STAC: variants seen among roughly 807,000 people sequenced by gnomAD.
STAC encodes the protein SH3 and cysteine-rich domain-containing protein.
A neutral mutation model predicts 48.8 loss-of-function variants in STAC; 43 were observed. The ratio of observed to expected loss-of-function variants is 0.88; its 90% CI spans 0.69 to 1.14. The LOEUF is 1.14. STAC is among the 50% of genes most tolerant of loss of function. STAC has a pLI of 0.00. For synonymous variants in STAC, 193 were observed against 179.5 expected (o/e 1.07, Z -0.60); for missense variants, 497 against 504.0 (o/e 0.99, Z 0.13).
intron 1 of STAC, among the ~76,000 whole-genome samples, chr3:36,394,470 A>C (rs1358595149): frequency 2.0e-5 from 3 of 152,164 alleles, no homozygotes; most frequent in Non-Finnish European, 4.4e-5. Flanking sequence ...CATTACTCAC[A>C]TTTTACAAAG....
chr3:36,437,292 T>C (rs1185490576), intron 1 of STAC, among the ~76,000 whole-genome samples: 2 of 150,884 alleles, frequency 1.3e-5, no homozygotes, highest in African/African-American at 2.4e-5. Context: ...ACCCAAAGGA[T>C]TATAAATCAT....
intron 10 of STAC, among the ~76,000 whole-genome samples, chr3:36,534,811 G>A (rs529635917): frequency 1.1e-4 from 16 of 151,996 alleles, no homozygotes; most frequent in African/African-American, 3.6e-4. Context: ...GACCACAGGT[G>A]TGCACTACCA....
intron 10 of STAC, among the ~76,000 whole-genome samples, chr3:36,540,367 A>T (rs1433861785): frequency 1.3e-5 from 2 of 152,170 alleles, no homozygotes; most frequent in African/African-American, 4.8e-5. Context: ...AGTTTACACA[A>T]AAGGGACTTT....
intron 2 of STAC, among the ~76,000 whole-genome samples, chr3:36,449,249 GCCAT>G (rs780333153): frequency 1.2e-3 from 180 of 152,280 alleles, no homozygotes; most frequent in Non-Finnish European, 2.1e-3. Flanking sequence ...TTGAAGTCCT[GCCAT>G]CCTGAAAACA....
At chr3:36,420,177 A>G (rs193204094) in intron 1 of STAC, among the ~76,000 whole-genome samples, 2 of 152,356 alleles carry the variant, frequency 1.3e-5, no homozygotes, top group Admixed American at 6.5e-5. Context: ...CTAAGTAAGA[A>G]TAATGATAGG....
intron 1 of STAC, among the ~76,000 whole-genome samples, chr3:36,396,837 G>GT (rs1288953467): frequency 2.6e-5 from 4 of 152,120 alleles, no homozygotes; most frequent in Non-Finnish European, 4.4e-5. Flanking sequence ...ATGTAGGGTA[G>GT]TTTTTTCCTC....
chr3:36,484,260 A>T (rs1697739400), intron 3 of STAC, among the ~76,000 whole-genome samples: 1 of 152,204 alleles, frequency 6.6e-6, no homozygotes, highest in Non-Finnish European at 1.5e-5. Flanking sequence ...AAGGGACACC[A>T]CTTTCCAGGA....
Position 36,493,238 on chromosome 3 carries a change from G to T in STAC, c.766+9G>T. The T allele has an allele frequency of 2.5e-6, 4 of 1,612,612 alleles. No homozygotes were observed. Among genetic ancestry groups the T allele is most frequent in the Non-Finnish European group, 3.4e-6 (4 of 1,179,044 alleles). ...GAAACGCAGCAACAGCGGTGAGTGA[G>T]GGAGTTGGCACAGCACAAATGTGAT... is the stretch of plus-strand genomic sequence containing the variant. On this transcript the variant is annotated intron_variant, in intron 6 of 10. Coordinates refer to ENST00000273183, the MANE Select transcript of STAC (RefSeq NM_003149.3).
intron 10 of STAC, among the ~76,000 whole-genome samples, chr3:36,533,694 A>G (rs886194869): frequency 2.6e-5 from 4 of 152,026 alleles, no homozygotes; most frequent in African/African-American, 7.2e-5. Context: ...ACTGGGCCTC[A>G]TACCTGCATT....
At chr3:36,529,724 T>C (rs1161842322) in intron 10 of STAC, among the ~76,000 whole-genome samples, 1 of 152,184 alleles carries the variant, frequency 6.6e-6, no homozygotes, top group Non-Finnish European at 1.5e-5. Context: ...ACTCTTCCTG[T>C]CTTTGTCTTC....
intron 1 of STAC, among the ~76,000 whole-genome samples, chr3:36,428,172 C>T (rs1559487297): frequency 6.6e-6 from 1 of 152,142 alleles, no homozygotes; most frequent in Non-Finnish European, 1.5e-5. Flanking sequence ...CCCCCTAGAG[C>T]TCTTCTTTGT....
chr3:36,380,581 G>A lies in STAC; in HGVS notation c.-63G>A, dbSNP rs778227723. 7.4e-7 allele frequency: 1 copy of A among 1,350,646 alleles called. No individual in the cohort carries two copies. Among genetic ancestry groups the A allele is most frequent in the Non-Finnish European group, 1.0e-6 (1 of 968,438 alleles). The allele number at this position is 1,350,646 out of a possible 1,614,324, so 83.7% of individuals were successfully genotyped here. A position where few individuals can be genotyped will look rare whatever the true frequency, so the allele number is the denominator to read the frequency against. ...GAGCAGCCTGGCGCGCGGCGGGCAG[G>A]GCGCGCAGGACAGAAGCCTCGCTGT... On this transcript the variant is annotated 5_prime_UTR_variant, in exon 1 of 11. Transcript: ENST00000273183.
At chr3:36,439,941 C>T (rs1379820686) in intron 1 of STAC, among the ~76,000 whole-genome samples, 1 of 152,234 alleles carries the variant, frequency 6.6e-6, no homozygotes, top group Admixed American at 6.5e-5. Flanking sequence ...GGGACACCTC[C>T]TTCTTCCCCC....
intron 1 of STAC, among the ~76,000 whole-genome samples, chr3:36,440,315 T>C (rs576317384): frequency 2.0e-5 from 3 of 152,338 alleles, no homozygotes; most frequent in Admixed American, 1.3e-4. Context: ...TTTAATGACT[T>C]AGAACACCAG....
intron 1 of STAC, among the ~76,000 whole-genome samples, chr3:36,428,236 T>C (rs1700613244): frequency 6.6e-6 from 1 of 152,224 alleles, no homozygotes; most frequent in Non-Finnish European, 1.5e-5. Context: ...ATTTACTATG[T>C]TGTATTTACA....
chr3:36,504,333 A>T, intron 6 of STAC, 60 bp from the exon 7 acceptor site: 2 of 1,445,190 alleles, frequency 1.4e-6, no homozygotes, highest in Non-Finnish European at 1.9e-6. Context: ...ATCTTTCAGG[A>T]ATATTTGTTT....
intron 6 of STAC, among the ~76,000 whole-genome samples, chr3:36,498,201 A>G (rs1313460467): frequency 6.6e-6 from 1 of 152,200 alleles, no homozygotes; most frequent in Non-Finnish European, 1.5e-5. Context: ...AACAAAGGAA[A>G]AAGAGACTAT....
At chr3:36,468,750 A>ATGTATG (rs1697245119) in intron 2 of STAC, among the ~76,000 whole-genome samples, 1 of 145,522 alleles carries the variant, frequency 6.9e-6, no homozygotes, top group African/African-American at 2.5e-5. Flanking sequence ...AAATACATAT[A>ATGTATG]TGTGTGTGTG....
At chr3:36,511,785 C>G (rs972229588) in intron 8 of STAC, among the ~76,000 whole-genome samples, 2 of 152,170 alleles carry the variant, frequency 1.3e-5, no homozygotes, top group African/African-American at 4.8e-5. Context: ...GGTCCACCAC[C>G]TCAGTGAAAT....
Sources: gnomAD v4.1 joint callset for allele counts (sites outside exome capture counted in the v4.1 genomes callset) on GRCh38, gnomAD v4.1.1 for gene constraint, MANE v1.5 for transcripts, NCBI Gene and HGNC (gene_info 2026-07-23, HGNC 2026-07-21) for gene names.